The following PRKCH variants were observed in gnomAD, a reference collection of about 807,000 sequenced individuals.
PRKCH encodes protein kinase C eta type.
Under a neutral mutation model 82.5 loss-of-function variants are expected in PRKCH, and 28 were observed. That is an observed-to-expected ratio of 0.34 (90% CI 0.25 to 0.47). The LOEUF (loss-of-function observed/expected upper bound fraction) is 0.47. Ranked by LOEUF, PRKCH falls within the 20% of genes least tolerant of loss-of-function variation. PRKCH has a pLI of 1.00. For missense variants in PRKCH, 705 were observed against 881.8 expected (o/e 0.80, Z 2.54); for synonymous variants, 322 against 327.4 (o/e 0.98, Z 0.18).
At chr14:61,190,388 G>T (rs570766096) in intron 1 of PRKCH, among the ~76,000 whole-genome samples, 1 of 152,044 alleles carries the variant, frequency 6.6e-6, no homozygotes, top group Non-Finnish European at 1.5e-5. Context: ...CTTCCCACCC[G>T]AACATCTGTA....
chr14:61,280,289 T>C lies in PRKCH; in HGVS notation c.-19+92621T>C, dbSNP rs1449643296. The C allele has an allele frequency of 1.2e-6, 2 of 1,613,984 alleles. No homozygotes were observed. The highest frequency in any genetic ancestry group is 1.7e-6 in the Non-Finnish European group (2 of 1,179,976). On this transcript the variant is annotated intron_variant, in intron 1 of 3. Transcript: ENST00000555185. This position sits in a 1 kb window ranked among gnomAD's most constrained non-coding sequence, Gnocchi z 5.0. ...GCGCGCACCGGGTAGTTGTAGGTGA[T>C]GTTGACGCGGTAGGCGCCCCGCGGC...
At chr14:61,304,651 C>A (rs968164244) in intron 1 of PRKCH, 1 of 135,770 alleles carries the variant, frequency 7.4e-6, no homozygotes, top group Admixed American at 7.5e-5. Context: ...GTAGCTGAGA[C>A]CCCATCTCTA....
At chr14:61,422,162 C>T (rs1289556177) in intron 2 of PRKCH, among the ~76,000 whole-genome samples, 1 of 152,186 alleles carries the variant, frequency 6.6e-6, no homozygotes, top group African/African-American at 2.4e-5. Flanking sequence ...TGGATCACTG[C>T]AACCTCGAAC....
At chr14:61,370,998 A>C (rs1172166428) in intron 1 of PRKCH, among the ~76,000 whole-genome samples, 2 of 152,048 alleles carry the variant, frequency 1.3e-5, no homozygotes, top group African/African-American at 4.8e-5. Flanking sequence ...GAAAGGCCAG[A>C]TATTCTTTTG....
intron 10 of PRKCH, among the ~76,000 whole-genome samples, chr14:61,486,448 A>G (rs184421688): frequency 1.3e-5 from 2 of 152,270 alleles, no homozygotes; most frequent in Admixed American, 6.5e-5. Flanking sequence ...ATAATATACC[A>G]TACTTTGAAT....
intron 1 of PRKCH, among the ~76,000 whole-genome samples, chr14:61,240,354 C>T (rs1407595132): frequency 6.6e-6 from 1 of 152,122 alleles, no homozygotes; most frequent in East Asian, 1.9e-4. Context: ...TCAGGGGATT[C>T]GTTTAACCAG....
chr14:61,391,835 G>C (rs1237402580), intron 2 of PRKCH, among the ~76,000 whole-genome samples: 1 of 152,106 alleles, frequency 6.6e-6, no homozygotes, highest in Non-Finnish European at 1.5e-5. Flanking sequence ...TTTGACAAAT[G>C]CATACAACTG....
At chr14:61,370,005 GT>G (rs1452271158) in intron 1 of PRKCH, among the ~76,000 whole-genome samples, 1 of 151,870 alleles carries the variant, frequency 6.6e-6, no homozygotes, top group Non-Finnish European at 1.5e-5. Context: ...TGTCACCCAG[GT>G]TGGAGTGCAG....
chr14:61,433,228 C>G (rs1028282656), intron 2 of PRKCH, among the ~76,000 whole-genome samples: 1 of 152,144 alleles, frequency 6.6e-6, no homozygotes, highest in Non-Finnish European at 1.5e-5. Context: ...GCAGAGCTTT[C>G]TCTCCACCAT....
intron 1 of PRKCH, among the ~76,000 whole-genome samples, chr14:61,265,781 A>G (rs1042969630): frequency 1.3e-5 from 2 of 152,112 alleles, no homozygotes; most frequent in African/African-American, 4.8e-5. Flanking sequence ...TAGGAGAATA[A>G]GATCTAGGGA....
intron 5 of PRKCH, among the ~76,000 whole-genome samples, chr14:61,449,839 G>A (rs1327715583): frequency 1.3e-5 from 2 of 150,374 alleles, no homozygotes; most frequent in African/African-American, 5.0e-5. Flanking sequence ...AGCCTCTTAA[G>A]AAATTTCAGG....
upstream of PRKCH, among the ~76,000 whole-genome samples, chr14:61,321,564 G>T (rs117206619): frequency 6.6e-6 from 1 of 152,142 alleles, no homozygotes; most frequent in Non-Finnish European, 1.5e-5. This position sits in a 1 kb window ranked among gnomAD's most constrained non-coding sequence, Gnocchi z 4.1. Flanking sequence ...GCGCGGGAGC[G>T]GACGCGGGGG....
intron 1 of PRKCH, among the ~76,000 whole-genome samples, chr14:61,294,975 C>T (rs766102161): frequency 3.9e-5 from 6 of 152,204 alleles, no homozygotes; most frequent in South Asian, 2.1e-4. Flanking sequence ...CGGGTTCAAG[C>T]GATTTTCATG....
intron 10 of PRKCH, among the ~76,000 whole-genome samples, chr14:61,500,583 A>T (rs933245440): frequency 6.6e-6 from 1 of 152,100 alleles, no homozygotes; most frequent in Admixed American, 6.5e-5. Flanking sequence ...TCAAAAAAGG[A>T]TATTTAAATT....
intron 1 of PRKCH, among the ~76,000 whole-genome samples, chr14:61,363,337 G>T (rs886148286): frequency 3.9e-5 from 6 of 152,160 alleles, no homozygotes; most frequent in African/African-American, 1.4e-4. Context: ...TAGATTTGTG[G>T]CTGGATAGCA....
chr14:61,273,665 G>A (rs1297873454), intron 1 of PRKCH, among the ~76,000 whole-genome samples: 2 of 152,182 alleles, frequency 1.3e-5, no homozygotes, highest in East Asian at 3.8e-4. Context: ...GTACGTTTAA[G>A]TTATCCAGAT....
chr14:61,402,342 C>G (rs1881671297), intron 2 of PRKCH, among the ~76,000 whole-genome samples: 1 of 152,088 alleles, frequency 6.6e-6, no homozygotes, highest in South Asian at 2.1e-4. Flanking sequence ...AGAAACTACG[C>G]CTTGTTTACT....
At chr14:61,242,134 T>G (rs1000618572) in intron 1 of PRKCH, among the ~76,000 whole-genome samples, 2 of 152,216 alleles carry the variant, frequency 1.3e-5, no homozygotes, top group African/African-American at 2.4e-5. Context: ...AAATTGTTAC[T>G]TTACTGAAAG....
chr14:61,216,077 C>T (rs1156697670), intron 1 of PRKCH, among the ~76,000 whole-genome samples: 1 of 152,166 alleles, frequency 6.6e-6, no homozygotes, highest in Non-Finnish European at 1.5e-5. Flanking sequence ...GGGTTTGCAG[C>T]ATTTCTGGGG....
Sources: allele counts gnomAD v4.1 joint callset (sites outside exome capture counted in the v4.1 genomes callset), GRCh38; gene constraint gnomAD v4.1.1; non-coding constraint Gnocchi (gnomAD v3.1); transcripts MANE v1.5; gene names NCBI Gene and HGNC (gene_info 2026-07-23, HGNC 2026-07-21).